ACSL1: variants seen among roughly 807,000 people sequenced by gnomAD.
The protein encoded by ACSL1 is long-chain-fatty-acid--CoA ligase 1.
ACSL1 carries 41 observed loss-of-function variants against 98.4 expected under a neutral mutation model. The ratio of observed to expected loss-of-function variants is 0.42; its 90% CI spans 0.32 to 0.54. ACSL1 has a LOEUF of 0.54. ACSL1 is among the 20% of genes least tolerant of loss of function. ACSL1 has a pLI of 0.13. For missense variants in ACSL1, 734 were observed against 883.1 expected, an observed-to-expected ratio of 0.83 and a Z score of 2.14; for synonymous variants, 316 against 322.7, an observed-to-expected ratio of 0.98 and a Z score of 0.22.
Position 184,773,723 on chromosome 4 carries a change from T to G in ACSL1, c.790-9A>C. ...TCTTCAGGTGCTGGAGGCTAAAGAT[T>G]AAAAAAAAAAAAAGCTGGTATAAAT... is the stretch of plus-strand genomic sequence containing the variant. On this transcript the variant is annotated splice_polypyrimidine_tract_variant and intron_variant, in intron 8 of 20. Transcript: ENST00000281455. This position sits in a 1 kb window ranked among gnomAD's most constrained non-coding sequence, Gnocchi z 4.3. 7.1e-7 allele frequency: 1 copy of G among 1,415,090 alleles called. No homozygotes were observed. The highest frequency in any genetic ancestry group is 1.2e-5 in the South Asian group (1 of 81,342). The allele number at this position is 1,415,090 out of a possible 1,614,324, so 87.7% of individuals were successfully genotyped here.
chr4:184,783,911 T>C lies in ACSL1; in HGVS notation c.375+16A>G. ...TTGCAAGAGGAGTCCACAGAGCCTG[T>C]CTCATACAAACTCACCTGTTTATAT... On this transcript the variant is annotated intron_variant, in intron 4 of 20. Coordinates refer to ENST00000281455, the MANE Select transcript of ACSL1 (RefSeq NM_001995.5). 1 of 1,611,472 alleles carries C rather than the reference T, an allele frequency of 6.2e-7. No homozygotes were observed. The highest frequency in any genetic ancestry group is 8.5e-7 in the Non-Finnish European group (1 of 1,177,846).
At chr4:184,808,760 T>TC (rs1771739485) in intron 1 of ACSL1, among the ~76,000 whole-genome samples, 2 of 152,160 alleles carry the variant, frequency 1.3e-5, no homozygotes, top group South Asian at 4.1e-4. Flanking sequence ...CTTAAGCCAT[T>TC]CCCTTTTGAA....
chr4:184,808,162 G>T, intron 1 of ACSL1: 1 of 352,514 alleles, frequency 2.8e-6, no homozygotes, highest in Non-Finnish European at 4.0e-6. Flanking sequence ...CATTTTATTT[G>T]TACCATGAAA....
chr4:184,784,077 C>T (rs565405229), intron 3 of ACSL1, 86 bp from the exon 4 acceptor site: 3 of 1,071,976 alleles, frequency 2.8e-6, no homozygotes, highest in East Asian at 2.4e-5. Context: ...CACTCTAATA[C>T]TAAACATCAG....
chr4:184,782,963 A>G (rs74428143), intron 4 of ACSL1, among the ~76,000 whole-genome samples: 225 of 152,182 alleles, frequency 1.5e-3, no homozygotes, highest in African/African-American at 5.1e-3. Flanking sequence ...TGCCCTTCAC[A>G]CAAAACCCAG....
intron 1 of ACSL1, among the ~76,000 whole-genome samples, chr4:184,804,036 C>T (rs1770992179): frequency 2.0e-5 from 3 of 152,270 alleles, no homozygotes; most frequent in Middle Eastern, 6.8e-3. Flanking sequence ...GAACAAGTTC[C>T]CAAACTGGTT....
chr4:184,818,583 C>G (rs1772813503), intron 1 of ACSL1, among the ~76,000 whole-genome samples: 1 of 152,126 alleles, frequency 6.6e-6, no homozygotes, highest in African/African-American at 2.4e-5. Flanking sequence ...ACCATCGGAA[C>G]CTGCCCTACC....
intron 10 of ACSL1, among the ~76,000 whole-genome samples, chr4:184,772,564 T>TG (rs1458034018): frequency 6.6e-6 from 1 of 152,214 alleles, no homozygotes; most frequent in Non-Finnish European, 1.5e-5. Context: ...GGGGCCCTGC[T>TG]GTGACTGGAT....
intron 2 of ACSL1, among the ~76,000 whole-genome samples, chr4:184,793,192 G>GT (rs1178066176): frequency 9.5e-6 from 1 of 105,556 alleles, no homozygotes; most frequent in African/African-American, 4.5e-5. Flanking sequence ...AGTGTTCCCA[G>GT]TTAAAAAAAA....
intron 11 of ACSL1, 193 bp downstream of exon 11, chr4:184,770,206 C>A (rs1230564629): frequency 6.8e-7 from 1 of 1,476,486 alleles, no homozygotes; most frequent in East Asian, 2.5e-5. Context: ...TAAAACGGGG[C>A]TGAGCAGAGA....
At chr4:184,808,332 A>C (rs1771690066) in intron 1 of ACSL1, 1 of 985,280 alleles carries the variant, frequency 1.0e-6, no homozygotes, top group Non-Finnish European at 1.2e-6. Flanking sequence ...GAAACCAAAA[A>C]CCGGGTGGTC....
In ACSL1 at chr4:184,785,600, CGGGGGCGGG is replaced by C. The variant is rs751204307; in HGVS notation, c.311-1618_311-1610del. ...CTTAGAATAAAAAGATCCTCCTGGGCGGGGGCGGGGGGGGGGGGGGGAAGGAAGCAAATC... is the reference window on the plus strand; with the variant it reads ...CTTAGAATAAAAAGATCCTCCTGGGCGGGGGGGGGGGGAAGGAAGCAAATC... On this transcript the variant is annotated intron_variant, in intron 3 of 20. Coordinates refer to ENST00000281455, the MANE Select transcript of ACSL1 (RefSeq NM_001995.5). Among the ~76,000 whole-genome samples the C allele has an allele frequency of 1.1e-3, 22 of 19,188 alleles. 1 individual carries two copies. Among genetic ancestry groups the C allele is most frequent in the Non-Finnish European group, 1.5e-3 (7 of 4,690 alleles). The allele number at this position is 19,188 out of a possible 152,430, so 12.6% of individuals were successfully genotyped here.
At chr4:184,807,844 C>G (rs542705941) in intron 1 of ACSL1, among the ~76,000 whole-genome samples, 2 of 152,294 alleles carry the variant, frequency 1.3e-5, no homozygotes, top group East Asian at 3.9e-4. Flanking sequence ...GAACGGGACA[C>G]CAACCAATGT....
At chr4:184,813,991 C>T (rs1772371686) in intron 1 of ACSL1, 1 of 429,642 alleles carries the variant, frequency 2.3e-6, no homozygotes, top group Non-Finnish European at 4.8e-6. Context: ...TGGAAATAAA[C>T]AGAATATGAA....
At chr4:184,772,169 T>A (rs1764611058) in intron 10 of ACSL1, among the ~76,000 whole-genome samples, 1 of 152,230 alleles carries the variant, frequency 6.6e-6, no homozygotes, top group African/African-American at 2.4e-5. Flanking sequence ...AATTAGGAAA[T>A]TAAAATTTCA....
intron 14 of ACSL1, among the ~76,000 whole-genome samples, chr4:184,765,355 C>T (rs890728583): frequency 2.0e-5 from 3 of 152,200 alleles, no homozygotes; most frequent in Admixed American, 1.3e-4. Context: ...TGTCTTGCAC[C>T]TGATCCTAGA....
Position 184,765,918 on chromosome 4 carries a change from C to A in ACSL1, c.1332G>T (p.Thr444=). The A allele has an allele frequency of 6.2e-7, 1 of 1,614,058 alleles. No individual in the cohort carries two copies. Among genetic ancestry groups the A allele is most frequent in the Non-Finnish European group, 8.5e-7 (1 of 1,179,990 alleles). Residue 444 remains threonine (T), a synonymous_variant, in exon 14 of 21, where the codon ACG becomes ACT. Transcript: ENST00000281455. ...GACAGCCCAGGGCTGCTCTGAGGAA[C>A]GTCAGCACAGTGGCAGACACCGGGG... ...GAAPVSATVL[T]FLRAALGCQF... is the part of the protein sequence containing the mutation.
At position 184,788,672 on chromosome 4, in the gene ACSL1, G is replaced by C; in HGVS notation, c.255C>G (p.Phe85Leu). 1.2e-6 allele frequency: 2 copies of C among 1,614,126 alleles called. No individual in the cohort carries two copies. The highest frequency in any genetic ancestry group is 1.7e-6 in the Non-Finnish European group (2 of 1,180,008). ...CGTATAATGTTGTGACATCATCATA[G>C]AAATACACCAAGGGCTCGTCGCTGT... Reference protein sequence around the residue: ...LLDSDEPLVYFYDDVTTLYEG... With the variant: ...LLDSDEPLVYLYDDVTTLYEG... Residue 85 changes from phenylalanine to leucine, a missense_variant, in exon 3 of 21, where the codon TTC (phenylalanine) becomes TTG (leucine). By Grantham distance (22) the Phe-to-Leu change is conservative (BLOSUM62 0). Transcript: ENST00000281455.
chr4:184,761,967 A>C (rs1762912236), intron 17 of ACSL1, among the ~76,000 whole-genome samples: 1 of 152,104 alleles, frequency 6.6e-6, no homozygotes, highest in South Asian at 2.1e-4. Flanking sequence ...TCTCTACTAA[A>C]AATATAAAAA....
Sources: allele counts gnomAD v4.1 joint callset (sites outside exome capture counted in the v4.1 genomes callset), GRCh38; gene constraint gnomAD v4.1.1; non-coding constraint Gnocchi (gnomAD v3.1); transcripts MANE v1.5; gene names NCBI Gene and HGNC (gene_info 2026-07-23, HGNC 2026-07-21).